Variants in WWOX observed in about 807,000 individuals in gnomAD.
The protein encoded by WWOX is WW domain-containing oxidoreductase.
Under a neutral mutation model 46.2 loss-of-function variants are expected in WWOX, and 69 were observed. The ratio of observed to expected loss-of-function variants is 1.49; its 90% confidence interval spans 1.23 to 1.82. WWOX has a LOEUF of 1.82. WWOX is among the 40% of genes most tolerant of loss of function. The pLI, the probability that WWOX is intolerant of heterozygous loss-of-function variation, is 0.00. For synonymous variants in WWOX, 359 were observed against 202.6 expected (o/e 1.77, Z -6.56); for missense variants, 919 against 542.6 (o/e 1.69, Z -6.89).
At chr16:79,196,465 T>A (rs1403092337) in intron 8 of WWOX, 2 of 152,182 alleles carry the variant, frequency 1.3e-5, no homozygotes, top group African/African-American at 4.8e-5. Flanking sequence ...GCCCCAGGGT[T>A]ATCTCTGCTC....
intron 6 of WWOX, among the ~76,000 whole-genome samples, chr16:78,413,388 G>A (rs150968774): frequency 6.6e-6 from 1 of 152,274 alleles, no homozygotes; most frequent in African/African-American, 2.4e-5. Flanking sequence ...AAAGGGTGAT[G>A]GGATTGTCAT....
rs183747748 is a variant in WWOX, at chr16:78,970,032, T to C, written c.1057-241576T>C. On this transcript the variant is annotated intron_variant, in intron 8 of 8. Coordinates refer to ENST00000566780, the MANE Select transcript of WWOX (RefSeq NM_016373.4). ...ATATCTCAACAAAGCTGTTAAAAAATTGTATGAAAACTGTGATGGGATTCA... is the reference window on the plus strand; with the variant it reads ...ATATCTCAACAAAGCTGTTAAAAAACTGTATGAAAACTGTGATGGGATTCA... 6.6e-5 allele frequency among the ~76,000 whole-genome samples: 10 copies of C among 152,028 alleles called. No individual in the cohort carries two copies. In the East Asian group the frequency reaches 1.7e-3, roughly 26 times the overall value.
chr16:79,069,343 A>G (rs2048504972), intron 8 of WWOX, among the ~76,000 whole-genome samples: 1 of 152,232 alleles, frequency 6.6e-6, no homozygotes, highest in African/African-American at 2.4e-5. Flanking sequence ...AGCTTCCAGC[A>G]AAAGAGCCCA....
intron 8 of WWOX, among the ~76,000 whole-genome samples, chr16:79,098,010 T>G (rs760715168): frequency 2.7e-4 from 41 of 152,150 alleles, no homozygotes; most frequent in Non-Finnish European, 5.3e-4. Flanking sequence ...CCCCAAAGCA[T>G]TAATATGTCT....
At chr16:78,676,601 C>G (rs1445873605) in intron 8 of WWOX, among the ~76,000 whole-genome samples, 1 of 152,128 alleles carries the variant, frequency 6.6e-6, no homozygotes, top group Non-Finnish European at 1.5e-5. Context: ...CTGCTCAGTG[C>G]AAGGTTTTAT....
chr16:78,400,058 A>C (rs992868633), intron 6 of WWOX, among the ~76,000 whole-genome samples: 1 of 152,206 alleles, frequency 6.6e-6, no homozygotes. Flanking sequence ...TTTTTGAAGA[A>C]TCTATTGCAT....
intron 8 of WWOX, among the ~76,000 whole-genome samples, chr16:78,971,510 A>T (rs571004873): frequency 6.6e-6 from 1 of 151,734 alleles, no homozygotes; most frequent in African/African-American, 2.4e-5. Context: ...GTCGTAGGTC[A>T]TGTATCTACA....
intron 8 of WWOX, among the ~76,000 whole-genome samples, chr16:78,825,110 C>G (rs983293914): frequency 6.6e-6 from 1 of 152,016 alleles, no homozygotes; most frequent in African/African-American, 2.4e-5. Context: ...TGCCGGCACT[C>G]GGGGAGGTCA....
chr16:79,206,651 G>C (rs1364780430), intron 8 of WWOX: 1 of 152,164 alleles, frequency 6.6e-6, no homozygotes. Flanking sequence ...GAGGACTTTG[G>C]AGTAGACATC....
chr16:79,030,010 T>G (rs2047722162), intron 8 of WWOX, among the ~76,000 whole-genome samples: 1 of 152,312 alleles, frequency 6.6e-6, no homozygotes, highest in South Asian at 2.1e-4. Flanking sequence ...TCTGATGAGC[T>G]CTGGTTTACC....
rs547031085 is a variant in WWOX, at chr16:78,742,346, G to A, written c.1056+309594G>A. ...GGGTGTCCTCTGGTGAAGGGCAGCA[G>A]CAGGACAGAGCCCCACTTCTAGCTC... On this transcript the variant is annotated intron_variant, in intron 8 of 8. Transcript: ENST00000566780. Among the ~76,000 whole-genome samples the A allele has an allele frequency of 2.6e-5, 4 of 152,324 alleles. 1 individual carries two copies. The highest frequency in any genetic ancestry group is 1.9e-4 in the East Asian group (1 of 5,178).
At chr16:78,245,800 G>A (rs111894205) in intron 5 of WWOX, among the ~76,000 whole-genome samples, 7,093 of 152,154 alleles carry the variant, frequency 0.047, 174 homozygotes, top group Middle Eastern at 0.099. Flanking sequence ...ATTCTTCCTC[G>A]ACAATAGCTG....
At chr16:78,650,625 G>T (rs953671741) in intron 8 of WWOX, among the ~76,000 whole-genome samples, 1 of 152,324 alleles carries the variant, frequency 6.6e-6, no homozygotes, top group Non-Finnish European at 1.5e-5. Flanking sequence ...TGTTGTCATA[G>T]TGATGTATTT....
At chr16:78,469,903 A>G (rs534640304) in intron 8 of WWOX, among the ~76,000 whole-genome samples, 1 of 152,268 alleles carries the variant, frequency 6.6e-6, no homozygotes, top group South Asian at 2.1e-4. Context: ...GATAGAGCCA[A>G]TAAGATGTAA....
intron 8 of WWOX, among the ~76,000 whole-genome samples, chr16:79,036,052 GTC>G (rs759643506): frequency 1.3e-5 from 2 of 152,144 alleles, no homozygotes; most frequent in Non-Finnish European, 2.9e-5. Flanking sequence ...CACCTCTGTG[GTC>G]TCTCTGTGGT....
rs147114066 is a variant in WWOX at position 78,704,327 on chromosome 16, C to T, written c.1056+271575C>T. Among the ~76,000 whole-genome samples, 6 of 152,272 alleles carry T rather than the reference C, an allele frequency of 3.9e-5. No individual in the cohort carries two copies. In the East Asian group the frequency reaches 1.2e-3, roughly 29 times the overall value. The stretch of plus-strand genomic sequence containing the variant: ...TACGTTCTGGTGAAACTTAAGATGT[C>T]AGCACATGACCTACCTCCCTTCCCT... On this transcript the variant is annotated intron_variant, in intron 8 of 8. Transcript: ENST00000566780.
chr16:78,598,445 C>A (rs557406894), intron 8 of WWOX, among the ~76,000 whole-genome samples: 1 of 152,138 alleles, frequency 6.6e-6, no homozygotes, highest in Non-Finnish European at 1.5e-5. Flanking sequence ...TCTTTCCCCC[C>A]GCCCTGGCCC....
intron 8 of WWOX, chr16:78,891,711 A>G (rs1036694424): frequency 7.9e-5 from 12 of 152,326 alleles, no homozygotes; most frequent in Admixed American, 2.6e-4. Context: ...TCTTTTCTAA[A>G]TTGGTCAAGA....
intron 8 of WWOX, among the ~76,000 whole-genome samples, chr16:78,968,377 A>C (rs935734790): frequency 6.6e-6 from 1 of 151,608 alleles, no homozygotes; most frequent in African/African-American, 2.4e-5. Flanking sequence ...GTGTAGATGG[A>C]GATAAATTGT....
Sources: gnomAD v4.1 joint callset for allele counts (sites outside exome capture counted in the v4.1 genomes callset) on GRCh38, gnomAD v4.1.1 for gene constraint, MANE v1.5 for transcripts, NCBI Gene and HGNC (gene_info 2026-07-23, HGNC 2026-07-21) for gene names.